Variants in ATOH8 observed in about 807,000 individuals in gnomAD.
The protein encoded by ATOH8 is transcription factor ATOH8.
In ATOH8, 9 loss-of-function variants were observed where a neutral mutation model predicts 21.2. That is an observed-to-expected ratio of 0.42 (90% CI 0.26 to 0.74). The LOEUF (loss-of-function observed/expected upper bound fraction) is 0.74. Among genes scored for constraint, ATOH8 ranks in the 30% least tolerant of loss-of-function variants. The pLI, the probability that ATOH8 is intolerant of heterozygous loss-of-function variation, is 0.24. For synonymous variants in ATOH8, 253 were observed against 224.0 expected (o/e 1.13, Z -1.16); for missense variants, 524 against 470.9 (o/e 1.11, Z -1.04).
intron 2 of ATOH8, among the ~76,000 whole-genome samples, chr2:85,781,897 A>C (rs573998820): frequency 6.7e-6 from 1 of 148,542 alleles, no homozygotes; most frequent in Non-Finnish European, 1.5e-5. Context: ...AAAAATAAAT[A>C]AAAATAAAAA....
intron 2 of ATOH8, among the ~76,000 whole-genome samples, chr2:85,768,892 C>A (rs1680099445): frequency 6.6e-6 from 1 of 152,150 alleles, no homozygotes; most frequent in African/African-American, 2.4e-5. Context: ...ATGTCAGAGG[C>A]CGCCCAGCAG....
intron 2 of ATOH8, among the ~76,000 whole-genome samples, chr2:85,777,587 C>A (rs555037598): frequency 1.3e-5 from 2 of 152,304 alleles, no homozygotes; most frequent in South Asian, 4.1e-4. Flanking sequence ...TAAAGTACAT[C>A]CAGTAATGTC....
rs907534119 is a variant in ATOH8 at position 85,766,892 on chromosome 2, C to T, written c.960+2710C>T. On this transcript the variant is annotated intron_variant, in intron 2 of 2. Coordinates refer to ENST00000306279, the MANE Select transcript of ATOH8 (RefSeq NM_032827.7). This position sits in a 1 kb window ranked among gnomAD's most constrained non-coding sequence, Gnocchi z 4.0. ...CTCTCTTGGTGGGGATGTGTGGCCCCACACTGAAGCCCAGCATAGCTGGCC... is the reference window on the plus strand; with the variant it reads ...CTCTCTTGGTGGGGATGTGTGGCCCTACACTGAAGCCCAGCATAGCTGGCC... 6.6e-6 allele frequency among the ~76,000 whole-genome samples: 1 copy of T among 152,188 alleles called. No individual in the cohort carries two copies. Among genetic ancestry groups the T allele is most frequent in the African/African-American group, 2.4e-5 (1 of 41,448 alleles).
intron 1 of ATOH8, among the ~76,000 whole-genome samples, chr2:85,761,314 G>A (rs186650395): frequency 4.7e-4 from 72 of 152,320 alleles, no homozygotes; most frequent in South Asian, 1.0e-3. Context: ...AGATGGTGGG[G>A]AAGGTTTTAA....
At chr2:85,755,762 C>T (rs912848270) in intron 1 of ATOH8, among the ~76,000 whole-genome samples, 4 of 152,070 alleles carry the variant, frequency 2.6e-5, no homozygotes, top group South Asian at 4.1e-4. Context: ...CGTGGTGGGG[C>T]GGGACAATCG....
rs1010766948 is a variant in ATOH8 at position 85,790,846 on chromosome 2, T to C, written c.*3956T>C. On this transcript the variant is annotated 3_prime_UTR_variant, in exon 3 of 3. Transcript: ENST00000306279. Reference sequence around the variant, plus strand: ...TGGGAAGCCGGCGAGGGGACTGGAGTTGGGGCTACACTTGCCTCCCTCCTA... The same window carrying C: ...TGGGAAGCCGGCGAGGGGACTGGAGCTGGGGCTACACTTGCCTCCCTCCTA... 5.9e-5 allele frequency among the ~76,000 whole-genome samples: 9 copies of C among 151,890 alleles called. No individual in the cohort carries two copies. Among genetic ancestry groups the C allele is most frequent in the African/African-American group, 1.9e-4 (8 of 41,336 alleles).
rs531368460 is a variant in ATOH8 at position 85,780,853 on chromosome 2, C to T, written c.961-6032C>T. The stretch of plus-strand genomic sequence containing the variant: ...CGATTCATGCCATGTTCCCGCCCCC[C>T]GCAAATAGCAGCCAATTCCAACTGC... On this transcript the variant is annotated intron_variant, in intron 2 of 2. Transcript: ENST00000306279. 2.5e-5 allele frequency: 25 copies of T among 984,538 alleles called. No individual in the cohort carries two copies. The African/African-American group carries it at 4.2e-4, about 16-fold the overall frequency. 61.0% of individuals were successfully genotyped at this position (984,538 alleles called of 1,614,324 possible).
intron 1 of ATOH8, 105 bp from the exon 2 acceptor site, chr2:85,763,886 A>G (rs1679933063): frequency 9.9e-7 from 1 of 1,005,808 alleles, no homozygotes; most frequent in Non-Finnish European, 1.5e-6. Flanking sequence ...GCAGATCATA[A>G]GATTAGGGTG....
intron 2 of ATOH8, among the ~76,000 whole-genome samples, chr2:85,775,698 C>T (rs929573063): frequency 6.6e-6 from 1 of 152,176 alleles, no homozygotes; most frequent in Non-Finnish European, 1.5e-5. Flanking sequence ...CCAGGGCAGT[C>T]AGTCTTGCCC....
chr2:85,772,556 G>A (rs1044789522), intron 2 of ATOH8: 24 of 375,166 alleles, frequency 6.4e-5, no homozygotes, highest in African/African-American at 4.9e-4. Flanking sequence ...AGCCCGCCCG[G>A]CCCTCTGCTG....
At chr2:85,783,297 C>T (rs899592142) in intron 2 of ATOH8, among the ~76,000 whole-genome samples, 7 of 152,112 alleles carry the variant, frequency 4.6e-5, no homozygotes, top group Admixed American at 1.3e-4. Context: ...CGGATGGGCA[C>T]GGTGGCTCAG....
intron 1 of ATOH8, 98 bp from the exon 2 acceptor site, chr2:85,763,893 G>C (rs985080988): frequency 1.2e-5 from 13 of 1,044,706 alleles, no homozygotes; most frequent in African/African-American, 1.6e-5. Flanking sequence ...ATAAGATTAG[G>C]GTGGAGGGCT....
intron 2 of ATOH8, among the ~76,000 whole-genome samples, chr2:85,765,355 C>T (rs544873859): frequency 6.6e-6 from 1 of 152,362 alleles, no homozygotes; most frequent in East Asian, 1.9e-4. Context: ...CCCCCACGGA[C>T]TCCAGACTCA....
Position 85,754,067 on chromosome 2 carries a change from G to C in ATOH8, c.-123G>C. 1 of 1,218,906 alleles carries C rather than the reference G, an allele frequency of 8.2e-7. No homozygotes were observed. The highest frequency in any genetic ancestry group is 1.1e-6 in the Non-Finnish European group (1 of 933,848). The allele number at this position is 1,218,906 out of a possible 1,614,324, so 75.5% of individuals were successfully genotyped here. ...CCGGCGGCGCAGCTGCCCGGGGCGA[G>C]GGGGAGAAAGGGAGAGAGGGAGGGG... On this transcript the variant is annotated 5_prime_UTR_variant, in exon 1 of 3. Coordinates refer to ENST00000306279, the MANE Select transcript of ATOH8 (RefSeq NM_032827.7).
chr2:85,771,523 A>G (rs951491108), intron 2 of ATOH8, among the ~76,000 whole-genome samples: 8 of 152,166 alleles, frequency 5.3e-5, no homozygotes, highest in Non-Finnish European at 5.9e-5. Flanking sequence ...CGACCAGCCA[A>G]AAGGCAGATG....
intron 2 of ATOH8, among the ~76,000 whole-genome samples, chr2:85,771,886 G>A (rs534191964): frequency 3.7e-3 from 566 of 152,344 alleles, no homozygotes; most frequent in Non-Finnish European, 5.7e-3. Flanking sequence ...CCAGGAGAAG[G>A]GCGTAACTTG....
rs908828010 is a variant in ATOH8, at chr2:85,789,409, A to G, written c.*2519A>G. On this transcript the variant is annotated 3_prime_UTR_variant, in exon 3 of 3. Transcript: ENST00000306279. ...ATAATTATGATTATAGCAGATGACT[A>G]AGGTGTTGTCGGGAGCTTCAGGAAA... 3.3e-5 allele frequency among the ~76,000 whole-genome samples: 5 copies of G among 152,120 alleles called. No homozygotes were observed. The highest frequency in any genetic ancestry group is 1.2e-4 in the African/African-American group (5 of 41,428).
chr2:85,755,890 T>G (rs1573518859), intron 1 of ATOH8, among the ~76,000 whole-genome samples: 1 of 151,854 alleles, frequency 6.6e-6, no homozygotes, highest in Non-Finnish European at 1.5e-5. Context: ...GTGGCTGGTT[T>G]GAAGGGTGTT....
intron 2 of ATOH8, among the ~76,000 whole-genome samples, chr2:85,769,663 G>A (rs574318298): frequency 1.7e-4 from 26 of 152,316 alleles, no homozygotes; most frequent in Middle Eastern, 3.4e-3. Context: ...GGATTTTGTC[G>A]GGTGAAGGGG....
Sources: gnomAD v4.1 joint callset for allele counts (sites outside exome capture counted in the v4.1 genomes callset) on GRCh38, gnomAD v4.1.1 for gene constraint, Gnocchi (gnomAD v3.1) non-coding constraint, MANE v1.5 for transcripts, NCBI Gene and HGNC (gene_info 2026-07-23, HGNC 2026-07-21) for gene names.